The following SPATA6 variants were observed in gnomAD, a reference collection of about 807,000 sequenced individuals.
The protein encoded by SPATA6 is spermatogenesis associated 6, also known as spermatogenesis-associated protein 6.
SPATA6 carries 56 observed loss-of-function variants against 65.3 expected under a neutral mutation model. The ratio of observed to expected loss-of-function variants is 0.86; its 90% CI spans 0.69 to 1.07. SPATA6 has a LOEUF of 1.07. SPATA6 is among the 50% of genes least tolerant of loss of function. The probability of loss-of-function intolerance (pLI) is 0.00; values close to 1 mark genes in which losing one functional copy is unlikely to be tolerated. For missense variants in SPATA6, 590 were observed against 594.8 expected, an observed-to-expected ratio of 0.99 and a Z score of 0.08; for synonymous variants, 199 against 213.2, an observed-to-expected ratio of 0.93 and a Z score of 0.58.
At chr1:48,418,769 A>G (rs71647704) in intron 3 of SPATA6, among the ~76,000 whole-genome samples, 3 of 107,100 alleles carry the variant, frequency 2.8e-5, no homozygotes, top group Admixed American at 9.5e-5. Context: ...AGGAAGGAAG[A>G]AGGGAAGGAA....
chr1:48,369,475 C>T (rs1322620079), intron 9 of SPATA6, among the ~76,000 whole-genome samples: 2 of 152,226 alleles, frequency 1.3e-5, no homozygotes, highest in East Asian at 3.9e-4. Context: ...CAAGCCTGGG[C>T]AATGGTAGGT....
At chr1:48,390,433 G>A (rs1649933087) in intron 8 of SPATA6, among the ~76,000 whole-genome samples, 1 of 152,184 alleles carries the variant, frequency 6.6e-6, no homozygotes, top group Non-Finnish European at 1.5e-5. Context: ...GGTGGACGAT[G>A]AAGAGCGGTA....
At chr1:48,344,091 T>C (rs1646295555) in intron 11 of SPATA6, 1 of 152,104 alleles carries the variant, frequency 6.6e-6, no homozygotes, top group Non-Finnish European at 1.5e-5. Context: ...ATTTCCACAC[T>C]GTATAAAAAA....
chr1:48,439,465 T>C (rs963265683), intron 3 of SPATA6, among the ~76,000 whole-genome samples: 9 of 151,900 alleles, frequency 5.9e-5, no homozygotes, highest in African/African-American at 1.9e-4. Flanking sequence ...CCATTGCAGG[T>C]TCTTGGGCAA....
chr1:48,284,035 G>A, the SPATA6 span, among the ~76,000 whole-genome samples: 2 of 151,920 alleles, frequency 1.3e-5, no homozygotes, highest in Admixed American at 1.3e-4. Flanking sequence ...TTTCAACTTG[G>A]TTCCATTCTC....
chr1:48,299,974 G>T (rs1356714494), intron 12 of SPATA6, among the ~76,000 whole-genome samples: 1 of 152,114 alleles, frequency 6.6e-6, no homozygotes, highest in African/African-American at 2.4e-5. Context: ...GAAGTGAAAG[G>T]ATCAACTGTA....
chr1:48,418,544 C>CAAAAAAAAAAA (rs34415296), intron 3 of SPATA6, among the ~76,000 whole-genome samples: 15 of 49,696 alleles, frequency 3.0e-4, no homozygotes, highest in Non-Finnish European at 4.0e-4. Context: ...CCCATCCCTA[C>CAAAAAAAAAAA]AAAAAAAAAA....
intron 11 of SPATA6, among the ~76,000 whole-genome samples, chr1:48,323,168 C>A (rs1224362124): frequency 6.6e-6 from 1 of 152,154 alleles, no homozygotes; most frequent in African/African-American, 2.4e-5. Context: ...TGGAACCAAC[C>A]CAAATGCCCA....
At chr1:48,409,997 T>C (rs140254647) in intron 5 of SPATA6, among the ~76,000 whole-genome samples, 24,079 of 152,314 alleles carry the variant, frequency 0.16, 2,443 homozygotes, top group South Asian at 0.23. Flanking sequence ...TTGTTACTTA[T>C]GCAAATTTCT....
At chr1:48,273,826 A>G in the SPATA6 span, among the ~76,000 whole-genome samples, 4 of 152,222 alleles carry the variant, frequency 2.6e-5, no homozygotes, top group African/African-American at 9.6e-5. Context: ...TCTTTATAGT[A>G]GAATGATTTA....
intron 11 of SPATA6, among the ~76,000 whole-genome samples, chr1:48,326,530 A>G (rs909971905): frequency 1.3e-5 from 2 of 151,816 alleles, no homozygotes; most frequent in African/African-American, 4.8e-5. Flanking sequence ...ACAAAAAAAA[A>G]AAAAAAGAAA....
the SPATA6 span, among the ~76,000 whole-genome samples, chr1:48,285,298 C>T: frequency 0.24 from 37,194 of 151,884 alleles, 4,777 homozygotes; most frequent in Admixed American, 0.3. Context: ...TCAAGTGTCC[C>T]AGGTTGACTT....
At chr1:48,427,209 T>C (rs144021825) in intron 3 of SPATA6, among the ~76,000 whole-genome samples, 8 of 152,220 alleles carry the variant, frequency 5.3e-5, no homozygotes, top group Middle Eastern at 3.4e-3. Context: ...ATTATATTTA[T>C]GAGCTACCAC....
intron 3 of SPATA6, among the ~76,000 whole-genome samples, chr1:48,448,921 T>TG (rs1434951581): frequency 1.3e-5 from 2 of 152,142 alleles, no homozygotes; most frequent in Admixed American, 1.3e-4. Context: ...AGGGACTTTT[T>TG]GGGGTGGTAG....
At chr1:48,385,441 C>T (rs1282312497) in intron 8 of SPATA6, 92 bp from the exon 9 acceptor site, 16 of 1,073,486 alleles carry the variant, frequency 1.5e-5, no homozygotes, top group Non-Finnish European at 1.9e-5. Flanking sequence ...ATAATTCACT[C>T]AGAATATTTC....
chr1:48,312,510 C>T (rs1405614368), intron 11 of SPATA6, among the ~76,000 whole-genome samples: 1 of 152,022 alleles, frequency 6.6e-6, no homozygotes, highest in African/African-American at 2.4e-5. Context: ...GGAAAACTAA[C>T]AAAAAGAAAG....
the SPATA6 span, among the ~76,000 whole-genome samples, chr1:48,280,229 A>T: frequency 6.6e-6 from 1 of 152,238 alleles, no homozygotes; most frequent in African/African-American, 2.4e-5. Context: ...AAGACAAAGC[A>T]GGAAAGATGC....
chr1:48,419,081 C>G (rs1472008271), intron 3 of SPATA6, among the ~76,000 whole-genome samples: 1 of 152,046 alleles, frequency 6.6e-6, no homozygotes, highest in African/African-American at 2.4e-5. Flanking sequence ...ACTTTAAAAA[C>G]AAAAAACTTA....
Position 48,325,408 on chromosome 1 carries a change from C to T in SPATA6, c.1195-19530G>A, listed in dbSNP as rs922874470. 165 of 1,364,214 alleles carry T rather than the reference C, an allele frequency of 1.2e-4. 1 individual carries two copies. In the Admixed American group the frequency reaches 2.7e-3, roughly 23 times the overall value. 84.5% of individuals were successfully genotyped at this position (1,364,214 alleles called of 1,614,324 possible). A position where few individuals can be genotyped will look rare whatever the true frequency, so the allele number is the denominator to read the frequency against. On this transcript the variant is annotated intron_variant, in intron 11 of 12. Transcript: ENST00000371847. ...TCCTCCAGGCCCAAGGAGCCAGGGC[C>T]CTCCCCCAGCTTCTTCTTGACTGGG...
Sources: allele counts gnomAD v4.1 joint callset (sites outside exome capture counted in the v4.1 genomes callset), GRCh38; gene constraint gnomAD v4.1.1; transcripts MANE v1.5; gene names NCBI Gene and HGNC (gene_info 2026-07-23, HGNC 2026-07-21).